The following CDC42BPA variants were observed in gnomAD, a reference collection of about 807,000 sequenced individuals.
CDC42BPA encodes the protein serine/threonine-protein kinase MRCK alpha.
A neutral mutation model predicts 223.5 loss-of-function variants in CDC42BPA; 80 were observed. That is an observed-to-expected ratio of 0.36 (90% CI 0.30 to 0.43). The LOEUF is 0.43. CDC42BPA is among the 20% of genes least tolerant of loss of function. The pLI, the probability that CDC42BPA is intolerant of heterozygous loss-of-function variation, is 1.00. For synonymous variants in CDC42BPA, 694 were observed against 718.6 expected (o/e 0.97, Z 0.55); for missense variants, 1,743 against 2,099.9 (o/e 0.83, Z 3.32).
chr1:227,203,149 A>C (rs897780071), intron 3 of CDC42BPA, among the ~76,000 whole-genome samples: 1 of 152,128 alleles, frequency 6.6e-6, no homozygotes, highest in Admixed American at 6.6e-5. Flanking sequence ...ACATATTTTT[A>C]AGCAAACCCC....
intron 6 of CDC42BPA, among the ~76,000 whole-genome samples, chr1:227,148,771 G>GAAA (rs1491285386): frequency 0.024 from 188 of 7,714 alleles, 5 homozygotes; most frequent in African/African-American, 0.14. Context: ...GGTCTCAAAA[G>GAAA]CAAAAAAAAA....
In CDC42BPA at chr1:227,196,338, C is replaced by CTTTTTTTTTT. The variant is rs34352900; in HGVS notation, c.451-2414_451-2405dup. Among the ~76,000 whole-genome samples, 44 of 92,358 alleles carry CTTTTTTTTTT rather than the reference C, an allele frequency of 4.8e-4. 4 individuals carry two copies. Among genetic ancestry groups the CTTTTTTTTTT allele is most frequent in the African/African-American group, 7.5e-4 (16 of 21,204 alleles). 60.6% of individuals were successfully genotyped at this position (92,358 alleles called of 152,430 possible). On this transcript the variant is annotated intron_variant, in intron 4 of 36. Transcript: ENST00000366766. Reference sequence around the variant, plus strand: ...GCTTTCTTTTTACTATTAAACAATACTTTTTTTTTTTTTTTTTTTGAGACA... The same window carrying CTTTTTTTTTT: ...GCTTTCTTTTTACTATTAAACAATACTTTTTTTTTTTTTTTTTTTTTTTTTTTTTGAGACA...
intron 21 of CDC42BPA, among the ~76,000 whole-genome samples, chr1:227,052,556 T>G (rs1223903423): frequency 7.2e-5 from 11 of 152,174 alleles, no homozygotes; most frequent in Admixed American, 7.2e-4. Flanking sequence ...TTAAAAATGC[T>G]TTGGGTTAAA....
chr1:227,276,617 G>A (rs1256423619), intron 1 of CDC42BPA, among the ~76,000 whole-genome samples: 5 of 152,224 alleles, frequency 3.3e-5, no homozygotes, highest in African/African-American at 7.2e-5. Flanking sequence ...TGACGATGGC[G>A]GTTTTGTCTA....
chr1:227,075,617 A>G (rs1197711006), intron 17 of CDC42BPA, among the ~76,000 whole-genome samples: 1 of 152,190 alleles, frequency 6.6e-6, no homozygotes, highest in Non-Finnish European at 1.5e-5. Flanking sequence ...TTTGTGTAGC[A>G]AGGGTTGTGT....
intron 21 of CDC42BPA, among the ~76,000 whole-genome samples, chr1:227,065,337 A>C (rs1022696327): frequency 1.3e-5 from 2 of 152,178 alleles, no homozygotes; most frequent in Non-Finnish European, 1.5e-5. Context: ...AAACTCTATG[A>C]TTCTACATGT....
chr1:227,285,840 T>C (rs1207917052), intron 1 of CDC42BPA, among the ~76,000 whole-genome samples: 1 of 138,178 alleles, frequency 7.2e-6, no homozygotes, highest in Non-Finnish European at 1.6e-5. Context: ...CCTGAGTACT[T>C]GGATATAGGT....
chr1:227,268,215 A>C (rs3106477), intron 1 of CDC42BPA, among the ~76,000 whole-genome samples: 46,757 of 151,944 alleles, frequency 0.31, 7,374 homozygotes, highest in East Asian at 0.37. Flanking sequence ...TATTGGAATA[A>C]AGCCCCATCC....
intron 1 of CDC42BPA, chr1:227,264,825 T>C: frequency 2.0e-6 from 3 of 1,488,536 alleles, no homozygotes; most frequent in Non-Finnish European, 2.8e-6. Context: ...TTTTTTGGAA[T>C]TGTGTATGCC....
intron 2 of CDC42BPA, among the ~76,000 whole-genome samples, chr1:227,245,596 A>T (rs1680799984): frequency 6.6e-6 from 1 of 152,000 alleles, no homozygotes; most frequent in African/African-American, 2.4e-5. Context: ...CAGCCCCGAC[A>T]TTGTCTTGCA....
At chr1:227,120,436 T>C (rs935236767) in intron 11 of CDC42BPA, among the ~76,000 whole-genome samples, 1 of 152,208 alleles carries the variant, frequency 6.6e-6, no homozygotes, top group African/African-American at 2.4e-5. Context: ...GAAAAACTCC[T>C]GATCTAAATC....
At chr1:227,065,126 T>TAAATAAATA (rs1558414073) in intron 21 of CDC42BPA, among the ~76,000 whole-genome samples, 6 of 117,246 alleles carry the variant, frequency 5.1e-5, no homozygotes, top group Non-Finnish European at 7.3e-5. Flanking sequence ...ATAAATAAAT[T>TAAATAAATA]AACTCAAACC....
intron 2 of CDC42BPA, among the ~76,000 whole-genome samples, chr1:227,216,741 C>G (rs1674928298): frequency 6.6e-6 from 1 of 152,162 alleles, no homozygotes; most frequent in Non-Finnish European, 1.5e-5. Flanking sequence ...GTTAAAATGT[C>G]CTTTCTTGTT....
At chr1:227,254,946 G>C (rs1682792942) in intron 1 of CDC42BPA, among the ~76,000 whole-genome samples, 1 of 152,168 alleles carries the variant, frequency 6.6e-6, no homozygotes, top group Admixed American at 6.5e-5. Flanking sequence ...GCGAGGAAGT[G>C]AATTTGGGGT....
At position 227,317,584 on chromosome 1, in the gene CDC42BPA, G is replaced by C. The variant is rs181153512; in HGVS notation, c.-402C>G. 6.3e-5 allele frequency: 25 copies of C among 397,686 alleles called. No homozygotes were observed. The highest frequency in any genetic ancestry group is 4.7e-4 in the African/African-American group (23 of 48,482). 24.6% of individuals were successfully genotyped at this position (397,686 alleles called of 1,614,324 possible). ...GCAACGTAATCCTGAAACGAATCCG[G>C]TTGCATCATTAATGAATAAAGTCCG... On this transcript the variant is annotated 5_prime_UTR_variant, in exon 1 of 37. Transcript: ENST00000366766.
chr1:227,029,656 CTT>C, intron 29 of CDC42BPA, among the ~76,000 whole-genome samples: 1 of 113,086 alleles, frequency 8.8e-6, no homozygotes, highest in South Asian at 4.7e-4. Flanking sequence ...AAAGATAAAA[CTT>C]AGAATACTGT....
chr1:227,023,247 A>G lies in CDC42BPA; in HGVS notation c.4615+16T>C, dbSNP rs777985748. Reference sequence around the variant, plus strand: ...TTCCAATGAAGCTATCCCTATGAATATATGTATTTTCTTACCTGCCATCTT... The same window carrying G: ...TTCCAATGAAGCTATCCCTATGAATGTATGTATTTTCTTACCTGCCATCTT... On this transcript the variant is annotated intron_variant, in intron 32 of 36. Transcript: ENST00000366766. 3 of 1,126,410 alleles carry G rather than the reference A, an allele frequency of 2.7e-6. No homozygotes were observed. The highest frequency in any genetic ancestry group is 4.8e-5 in the East Asian group (2 of 41,860). The allele number at this position is 1,126,410 out of a possible 1,614,324, so 69.8% of individuals were successfully genotyped here.
intron 1 of CDC42BPA, among the ~76,000 whole-genome samples, chr1:227,288,298 C>A (rs563917113): frequency 6.6e-6 from 1 of 152,216 alleles, no homozygotes; most frequent in East Asian, 1.9e-4. Flanking sequence ...TCACTTGAGC[C>A]CAGGAGGTCT....
chr1:227,173,389 T>C (rs937754553), intron 5 of CDC42BPA, among the ~76,000 whole-genome samples: 3 of 152,206 alleles, frequency 2.0e-5, no homozygotes, highest in South Asian at 2.1e-4. Context: ...GCTCCTGGAA[T>C]AGCACAACTG....
Sources: allele counts gnomAD v4.1 joint callset (sites outside exome capture counted in the v4.1 genomes callset), GRCh38; gene constraint gnomAD v4.1.1; transcripts MANE v1.5; gene names NCBI Gene and HGNC (gene_info 2026-07-23, HGNC 2026-07-21).